The following LINGO2 variants were observed in gnomAD, a reference collection of about 807,000 sequenced individuals.
LINGO2 encodes the protein leucine rich repeat and Ig domain containing 2, also known as leucine-rich repeat and immunoglobulin-like domain-containing nogo receptor-interacting protein 2.
A neutral mutation model predicts 30.6 loss-of-function variants in LINGO2; 14 were observed. The ratio of observed to expected loss-of-function variants is 0.46; its 90% CI spans 0.30 to 0.72. The LOEUF (loss-of-function observed/expected upper bound fraction) is 0.72. Among genes scored for constraint, LINGO2 ranks in the 30% least tolerant of loss-of-function variants. LINGO2 has a pLI of 0.07. For missense variants in LINGO2, 729 were observed against 751.7 expected (o/e 0.97, Z 0.35); for synonymous variants, 317 against 288.5 (o/e 1.10, Z -1.00).
At chr9:28,458,283 A>G (rs572006043) in intron 2 of LINGO2, among the ~76,000 whole-genome samples, 1 of 152,298 alleles carries the variant, frequency 6.6e-6, no homozygotes, top group African/African-American at 2.4e-5. Context: ...GCTGGATTAT[A>G]TGTTTCTTAA....
intron 4 of LINGO2, among the ~76,000 whole-genome samples, chr9:28,213,499 T>C (rs559233216): frequency 1.3e-5 from 2 of 151,594 alleles, no homozygotes; most frequent in African/African-American, 4.8e-5. Flanking sequence ...TCTAATTATC[T>C]ATTTGGCAAC....
At chr9:28,285,565 C>G (rs1393629391) in intron 4 of LINGO2, among the ~76,000 whole-genome samples, 5 of 151,940 alleles carry the variant, frequency 3.3e-5, no homozygotes, top group African/African-American at 1.2e-4. Flanking sequence ...ACCACCATGC[C>G]TGGCTAATTT....
At chr9:28,470,734 G>A (rs1251094967) in intron 2 of LINGO2, among the ~76,000 whole-genome samples, 1 of 151,906 alleles carries the variant, frequency 6.6e-6, no homozygotes, top group African/African-American at 2.4e-5. Flanking sequence ...GACAAAAATT[G>A]ATAGATTATA....
At chr9:28,776,157 G>A in the LINGO2 span, among the ~76,000 whole-genome samples, 1 of 152,140 alleles carries the variant, frequency 6.6e-6, no homozygotes, top group African/African-American at 2.4e-5. Context: ...ATAAGCCCCT[G>A]GCTTCAGTGA....
chr9:28,500,167 T>C (rs973438376), intron 1 of LINGO2, among the ~76,000 whole-genome samples: 1 of 152,118 alleles, frequency 6.6e-6, no homozygotes, highest in Non-Finnish European at 1.5e-5. Context: ...CTTCTGACTT[T>C]GAAGATTCCC....
chr9:28,028,492 T>C (rs1348932900), intron 4 of LINGO2, among the ~76,000 whole-genome samples: 84 of 151,834 alleles, frequency 5.5e-4, no homozygotes, highest in African/African-American at 2.0e-3. Context: ...TATATACACG[T>C]AACACCCAGA....
At chr9:28,071,648 G>C (rs1391610280) in intron 4 of LINGO2, among the ~76,000 whole-genome samples, 1 of 151,358 alleles carries the variant, frequency 6.6e-6, no homozygotes, top group Admixed American at 6.6e-5. Context: ...GTATTGATAG[G>C]AAAATTAAGG....
chr9:28,857,309 GC>G, the LINGO2 span, among the ~76,000 whole-genome samples: 1 of 152,026 alleles, frequency 6.6e-6, no homozygotes. Context: ...AACAACAAAA[GC>G]AATTACTAGC....
chr9:28,379,022 C>T (rs1422140377), intron 2 of LINGO2, among the ~76,000 whole-genome samples: 1 of 152,058 alleles, frequency 6.6e-6, no homozygotes, highest in Non-Finnish European at 1.5e-5. Flanking sequence ...ATGGAGTTAA[C>T]TTTGAACCAC....
intron 1 of LINGO2, among the ~76,000 whole-genome samples, chr9:28,538,507 A>G (rs548150051): frequency 6.6e-6 from 1 of 152,150 alleles, no homozygotes; most frequent in African/African-American, 2.4e-5. Flanking sequence ...TAATAGAATA[A>G]AGGAGTAAAA....
At chr9:28,218,767 C>T (rs1251768904) in intron 4 of LINGO2, among the ~76,000 whole-genome samples, 4 of 152,094 alleles carry the variant, frequency 2.6e-5, no homozygotes, top group African/African-American at 9.7e-5. Context: ...TGGATTTCTG[C>T]CCTGGGCATT....
intron 1 of LINGO2, among the ~76,000 whole-genome samples, chr9:28,663,199 C>G (rs928080998): frequency 1.3e-5 from 2 of 152,004 alleles, no homozygotes; most frequent in African/African-American, 4.8e-5. Context: ...GGAACGGAGT[C>G]TCACTCTGTT....
At chr9:28,837,729 T>C in the LINGO2 span, among the ~76,000 whole-genome samples, 1 of 141,724 alleles carries the variant, frequency 7.1e-6, no homozygotes, top group Non-Finnish European at 1.5e-5. Context: ...CAAGCCTCCA[T>C]GCTGAGAACT....
At chr9:29,153,550 G>GTCT in the LINGO2 span, among the ~76,000 whole-genome samples, 1 of 152,130 alleles carries the variant, frequency 6.6e-6, no homozygotes, top group Non-Finnish European at 1.5e-5. Context: ...GCAAATGACA[G>GTCT]TAACTTTAGA....
intron 4 of LINGO2, among the ~76,000 whole-genome samples, chr9:28,131,310 T>C (rs986190868): frequency 6.6e-6 from 1 of 152,162 alleles, no homozygotes; most frequent in Non-Finnish European, 1.5e-5. Context: ...TATGGATCTT[T>C]GGGGTCTGTT....
chr9:28,735,140 C>T, the LINGO2 span, among the ~76,000 whole-genome samples: 1 of 151,914 alleles, frequency 6.6e-6, no homozygotes, highest in Non-Finnish European at 1.5e-5. Flanking sequence ...GTATTGTTTA[C>T]AAGAACTTGA....
the LINGO2 span, among the ~76,000 whole-genome samples, chr9:29,070,692 C>T: frequency 6.6e-6 from 1 of 151,090 alleles, no homozygotes; most frequent in Non-Finnish European, 1.5e-5. Flanking sequence ...TGTGAGTTTT[C>T]TCTCAACTCT....
At chr9:28,054,847 G>A (rs1019277434) in intron 4 of LINGO2, among the ~76,000 whole-genome samples, 15 of 152,008 alleles carry the variant, frequency 9.9e-5, no homozygotes, top group South Asian at 2.1e-4. Context: ...GCCTTAGGTT[G>A]TTATGCCTTA....
chr9:28,717,529 T>A, the LINGO2 span, among the ~76,000 whole-genome samples: 3 of 151,948 alleles, frequency 2.0e-5, no homozygotes, highest in African/African-American at 7.2e-5. Flanking sequence ...ACTAAAACTC[T>A]AAGGAGATTT....
Sources: gnomAD v4.1 joint callset for allele counts (sites outside exome capture counted in the v4.1 genomes callset) on GRCh38, gnomAD v4.1.1 for gene constraint, MANE v1.5 for transcripts, NCBI Gene and HGNC (gene_info 2026-07-23, HGNC 2026-07-21) for gene names.